Variants in LRP1B observed in about 807,000 individuals in gnomAD.
LRP1B encodes low-density lipoprotein receptor-related protein 1B.
LRP1B carries 217 observed loss-of-function variants against 556.6 expected under a neutral mutation model. The observed-to-expected ratio is 0.39, with a 90% CI of 0.35 to 0.44. LRP1B has a LOEUF of 0.44. Among genes scored for constraint, LRP1B ranks in the 20% least tolerant of loss-of-function variants. LRP1B has a pLI of 1.00. For missense variants in LRP1B, 5,053 were observed against 5,620.8 expected (o/e 0.90, Z 3.23); for synonymous variants, 2,047 against 1,865.8 (o/e 1.10, Z -2.50).
At chr2:140,415,011 A>G (rs4954832) in intron 66 of LRP1B, among the ~76,000 whole-genome samples, 17,813 of 152,070 alleles carry the variant, frequency 0.12, 1,459 homozygotes, top group African/African-American at 0.23. Context: ...CCTTGGGGGA[A>G]GTCTATAAAC....
At chr2:140,876,136 G>C (rs72988189) in intron 25 of LRP1B, among the ~76,000 whole-genome samples, 3,074 of 152,216 alleles carry the variant, frequency 0.02, 100 homozygotes, top group African/African-American at 0.069. Context: ...AAATGTTTAT[G>C]AGTATCAAGC....
chr2:140,304,990 G>A (rs747077664), intron 83 of LRP1B, among the ~76,000 whole-genome samples: 2 of 151,950 alleles, frequency 1.3e-5, no homozygotes, highest in Non-Finnish European at 2.9e-5. Flanking sequence ...ATTTCTGAGG[G>A]CTCTGTTCTG....
intron 83 of LRP1B, among the ~76,000 whole-genome samples, chr2:140,306,663 C>G (rs1156557407): frequency 6.6e-6 from 1 of 151,852 alleles, no homozygotes; most frequent in East Asian, 1.9e-4. Flanking sequence ...TCCTTCAGCT[C>G]TGCTCTGATC....
intron 7 of LRP1B, among the ~76,000 whole-genome samples, chr2:141,154,006 C>T (rs1056209747): frequency 3.3e-5 from 5 of 151,674 alleles, no homozygotes; most frequent in Admixed American, 6.6e-5. Flanking sequence ...GAAATAAATA[C>T]AATTATGTTG....
intron 20 of LRP1B, among the ~76,000 whole-genome samples, chr2:140,926,821 C>G (rs183358741): frequency 2.0e-5 from 3 of 152,064 alleles, no homozygotes; most frequent in Non-Finnish European, 1.5e-5. Context: ...GTTTTCTTGA[C>G]TCTCAAGGTG....
intron 69 of LRP1B, among the ~76,000 whole-genome samples, chr2:140,372,581 G>A (rs752358264): frequency 6.6e-6 from 1 of 152,066 alleles, no homozygotes; most frequent in African/African-American, 2.4e-5. Flanking sequence ...GGCCCAAGAT[G>A]TAAATACAAA....
rs2105467899 is a variant in LRP1B at position 141,062,037 on chromosome 2, A to G, written c.1236+14T>C. ...TATTACCCTAGGAGCGTTGTCTAAC[A>G]AAATTGTACTTACTTGTCTGCCTTG... is the stretch of plus-strand genomic sequence containing the variant. On this transcript the variant is annotated intron_variant, in intron 8 of 90. Coordinates refer to ENST00000389484, the MANE Select transcript of LRP1B (RefSeq NM_018557.3). The G allele has an allele frequency of 6.2e-7, 1 of 1,605,704 alleles. No homozygotes were observed. Among genetic ancestry groups the G allele is most frequent in the East Asian group, 2.2e-5 (1 of 44,744 alleles).
chr2:141,554,028 A>G (rs183880900), intron 2 of LRP1B, among the ~76,000 whole-genome samples: 14 of 141,406 alleles, frequency 9.9e-5, no homozygotes, highest in Non-Finnish European at 2.0e-4. Context: ...CAAGATATAG[A>G]TTATATATCT....
chr2:141,566,516 T>A (rs1175240504), intron 2 of LRP1B, among the ~76,000 whole-genome samples: 1 of 152,192 alleles, frequency 6.6e-6, no homozygotes, highest in South Asian at 2.1e-4. Context: ...GGCATGCAAA[T>A]GTATCCACCA....
intron 53 of LRP1B, among the ~76,000 whole-genome samples, chr2:140,503,956 A>C (rs1319661264): frequency 6.6e-6 from 1 of 152,134 alleles, no homozygotes; most frequent in Non-Finnish European, 1.5e-5. Context: ...TAAACTAGAT[A>C]GTTCTAAAAT....
chr2:142,074,866 A>T (rs538026090), intron 1 of LRP1B, among the ~76,000 whole-genome samples: 1 of 152,206 alleles, frequency 6.6e-6, no homozygotes, highest in African/African-American at 2.4e-5. Context: ...CATGGAAATG[A>T]CCTTCTTCAT....
At chr2:141,603,025 G>C (rs1215097781) in intron 2 of LRP1B, among the ~76,000 whole-genome samples, 2 of 152,086 alleles carry the variant, frequency 1.3e-5, no homozygotes, top group Admixed American at 6.6e-5. Flanking sequence ...AAATATTCCA[G>C]AAAAGTAATG....
chr2:141,979,910 G>T (rs1195690714), intron 1 of LRP1B, among the ~76,000 whole-genome samples: 1 of 152,020 alleles, frequency 6.6e-6, no homozygotes, highest in African/African-American at 2.4e-5. Flanking sequence ...ATTTTGACAT[G>T]ATTTTCCAGT....
chr2:140,972,947 T>C (rs928507010), intron 18 of LRP1B, among the ~76,000 whole-genome samples: 1 of 90,324 alleles, frequency 1.1e-5, no homozygotes, highest in Non-Finnish European at 2.1e-5. Context: ...CTTTTTGATA[T>C]ATATATATAT....
chr2:142,070,762 T>C (rs1476002552), intron 1 of LRP1B, among the ~76,000 whole-genome samples: 1 of 151,948 alleles, frequency 6.6e-6, no homozygotes, highest in Non-Finnish European at 1.5e-5. Flanking sequence ...AATCATTTCC[T>C]TATGAAGGAT....
intron 31 of LRP1B, among the ~76,000 whole-genome samples, chr2:140,835,839 A>G (rs112498366): frequency 1.5e-4 from 23 of 152,262 alleles, no homozygotes; most frequent in African/African-American, 5.5e-4. Context: ...GCACCTGGCC[A>G]CATGCCTATT....
chr2:141,035,703 T>G (rs2105422800), intron 11 of LRP1B, among the ~76,000 whole-genome samples: 1 of 152,272 alleles, frequency 6.6e-6, no homozygotes, highest in South Asian at 2.1e-4. Flanking sequence ...AAACCAATTT[T>G]TCTTTTTATA....
intron 7 of LRP1B, among the ~76,000 whole-genome samples, chr2:141,154,688 A>T (rs1000371004): frequency 6.6e-6 from 1 of 151,810 alleles, no homozygotes; most frequent in African/African-American, 2.4e-5. Flanking sequence ...TCAACACTCC[A>T]TTATTATCTG....
At chr2:141,319,720 A>T (rs1221599624) in intron 3 of LRP1B, among the ~76,000 whole-genome samples, 1 of 152,090 alleles carries the variant, frequency 6.6e-6, no homozygotes, top group Non-Finnish European at 1.5e-5. Flanking sequence ...TTCTTGATCC[A>T]TAGTCTGTCA....
Sources: gnomAD v4.1 joint callset for allele counts (sites outside exome capture counted in the v4.1 genomes callset) on GRCh38, gnomAD v4.1.1 for gene constraint, MANE v1.5 for transcripts, NCBI Gene and HGNC (gene_info 2026-07-23, HGNC 2026-07-21) for gene names.